The following PCDH15 variants were observed in gnomAD, a reference collection of about 807,000 sequenced individuals.
The protein encoded by PCDH15 is protocadherin related 15, also known as protocadherin-15.
Under a neutral mutation model 178.5 loss-of-function variants are expected in PCDH15, and 129 were observed. The observed-to-expected ratio is 0.72, with a 90% CI of 0.63 to 0.84. The LOEUF is 0.84. PCDH15 is among the 40% of genes least tolerant of loss of function. PCDH15 has a pLI of 0.00. For missense variants in PCDH15, 2,230 were observed against 2,099.9 expected (o/e 1.06, Z -1.21); for synonymous variants, 800 against 732.0 (o/e 1.09, Z -1.50).
At chr10:54,878,280 G>A (rs927351897) in intron 3 of PCDH15, among the ~76,000 whole-genome samples, 4 of 152,070 alleles carry the variant, frequency 2.6e-5, no homozygotes, top group African/African-American at 9.7e-5. Context: ...CTCTCTTAAA[G>A]ATCTAGCAAT....
At chr10:54,989,795 G>A (rs1292965583) in intron 2 of PCDH15, among the ~76,000 whole-genome samples, 1 of 152,134 alleles carries the variant, frequency 6.6e-6, no homozygotes, top group Non-Finnish European at 1.5e-5. Context: ...TTTGGGAGGG[G>A]CCAGGGGAGG....
intron 3 of PCDH15, among the ~76,000 whole-genome samples, chr10:54,388,348 G>C (rs1193615355): frequency 6.6e-6 from 1 of 152,128 alleles, no homozygotes; most frequent in Non-Finnish European, 1.5e-5. Flanking sequence ...CCAGCTGAAG[G>C]TCACAGACAA....
chr10:54,129,366 C>T (rs922234378), intron 15 of PCDH15, among the ~76,000 whole-genome samples: 12 of 152,096 alleles, frequency 7.9e-5, no homozygotes, highest in African/African-American at 2.4e-4. Context: ...CTCTATTGAA[C>T]TAACCCATTT....
At chr10:55,221,717 C>A (rs1161946018) in intron 1 of PCDH15, among the ~76,000 whole-genome samples, 1 of 152,060 alleles carries the variant, frequency 6.6e-6, no homozygotes, top group Non-Finnish European at 1.5e-5. Flanking sequence ...CACATGTATG[C>A]ACGTCCTCCA....
At chr10:54,622,733 TTATA>T (rs373397879) in intron 2 of PCDH15, among the ~76,000 whole-genome samples, 4 of 35,882 alleles carry the variant, frequency 1.1e-4, no homozygotes, top group Non-Finnish European at 2.3e-4. Flanking sequence ...TATTATATAA[TTATA>T]TATATATTAT....
intron 1 of PCDH15, among the ~76,000 whole-genome samples, chr10:54,728,491 C>T (rs553333313): frequency 1.3e-4 from 20 of 151,220 alleles, no homozygotes; most frequent in South Asian, 4.2e-4. Context: ...CATACTGAAT[C>T]GGCACATGCT....
At chr10:53,823,794 G>GTACT in intron 32 of PCDH15, 1 of 456,610 alleles carries the variant, frequency 2.2e-6, no homozygotes, top group Middle Eastern at 3.2e-4. Context: ...ATCTGATTCA[G>GTACT]TACTTCTGTC....
chr10:54,586,467 C>T (rs12416550), intron 2 of PCDH15, among the ~76,000 whole-genome samples: 1 of 152,006 alleles, frequency 6.6e-6, no homozygotes, highest in Admixed American at 6.6e-5. Flanking sequence ...AGTACTTGGT[C>T]GATATGTGTC....
At position 53,807,149 on chromosome 10, in the gene PCDH15, A is replaced by C; in HGVS notation, c.4672-19T>G. The C allele has an allele frequency of 6.5e-7, 1 of 1,549,942 alleles. No individual in the cohort carries two copies. Among genetic ancestry groups the C allele is most frequent in the South Asian group, 1.2e-5 (1 of 82,392 alleles). On this transcript the variant is annotated intron_variant, in intron 37 of 37. Transcript: ENST00000644397. ...TTGCCCACTGATAAAATAAACAAAA[A>C]TATGTGAGTCACTATCAAATAAATT...
At chr10:54,322,472 G>T (rs2061674446) in intron 7 of PCDH15, among the ~76,000 whole-genome samples, 1 of 151,852 alleles carries the variant, frequency 6.6e-6, no homozygotes, top group Non-Finnish European at 1.5e-5. Flanking sequence ...AGTTAAACAA[G>T]TTCAACCAGT....
In PCDH15 at chr10:53,806,782, C is replaced by CAAATGTAACCAGA. The variant is rs761466303; in HGVS notation, c.5007_5019dup (p.Ala1674SerfsTer12). On this transcript the variant is annotated frameshift_variant, in exon 38 of 38. Transcript: ENST00000644397. LOFTEE classifies it high-confidence loss of function. ...TTGTCAGTCCCCACAGGGCAAGGGG[C>CAAATGTAACCAGA]AAATGTAACCAGAGTTGGTCTTGCA... is the stretch of plus-strand genomic sequence containing the variant. 4.2e-5 allele frequency: 67 copies of CAAATGTAACCAGA among 1,613,806 alleles called. No individual in the cohort carries two copies. The African/African-American group carries it at 7.1e-4, about 17-fold the overall frequency.
chr10:54,450,196 A>T (rs1001181505), intron 3 of PCDH15, among the ~76,000 whole-genome samples: 15 of 148,244 alleles, frequency 1.0e-4, no homozygotes, highest in African/African-American at 3.7e-4. Context: ...CACAACATGC[A>T]GGTTTGTTAC....
intron 6 of PCDH15, among the ~76,000 whole-genome samples, chr10:54,341,876 C>A (rs982700693): frequency 3.3e-5 from 5 of 152,172 alleles, no homozygotes; most frequent in Admixed American, 2.0e-4. Flanking sequence ...ATCTGTGGAA[C>A]TTGGAACTTG....
At chr10:54,082,689 T>C (rs1267842861) in intron 16 of PCDH15, among the ~76,000 whole-genome samples, 3 of 151,782 alleles carry the variant, frequency 2.0e-5, no homozygotes. Flanking sequence ...GATTTGGCCA[T>C]GGATTCTTAG....
At chr10:53,982,136 GT>G (rs2090701843) in intron 21 of PCDH15, among the ~76,000 whole-genome samples, 1 of 152,088 alleles carries the variant, frequency 6.6e-6, no homozygotes, top group African/African-American at 2.4e-5. Flanking sequence ...TCTCACACCA[GT>G]TAGAATGGCA....
intron 2 of PCDH15, among the ~76,000 whole-genome samples, chr10:55,326,629 G>T (rs568474410): frequency 6.6e-6 from 1 of 152,056 alleles, no homozygotes; most frequent in South Asian, 2.1e-4. Context: ...AAAAAATTAA[G>T]TAGTTAGCAA....
chr10:54,032,629 A>G (rs931310287), intron 18 of PCDH15, among the ~76,000 whole-genome samples: 10 of 152,100 alleles, frequency 6.6e-5, no homozygotes, highest in African/African-American at 9.7e-5. Context: ...TAAGAAAATA[A>G]GACACATTTT....
At chr10:54,379,239 A>C (rs1218740968) in intron 3 of PCDH15, among the ~76,000 whole-genome samples, 2 of 152,068 alleles carry the variant, frequency 1.3e-5, no homozygotes, top group Non-Finnish European at 2.9e-5. Flanking sequence ...ATCACTTCTC[A>C]CAGGAGTTAT....
At chr10:55,476,121 T>A (rs1010721905) in intron 2 of PCDH15, among the ~76,000 whole-genome samples, 3 of 152,106 alleles carry the variant, frequency 2.0e-5, no homozygotes, top group Non-Finnish European at 4.4e-5. Flanking sequence ...GCAATAACAG[T>A]AGAGGCTCAA....
Sources: allele counts gnomAD v4.1 joint callset (sites outside exome capture counted in the v4.1 genomes callset), GRCh38; gene constraint gnomAD v4.1.1; transcripts MANE v1.5; gene names NCBI Gene and HGNC (gene_info 2026-07-23, HGNC 2026-07-21).